Variants in ZBTB48 observed in about 807,000 individuals in gnomAD.
ZBTB48 encodes the protein zinc finger and BTB domain-containing protein 48.
ZBTB48 carries 35 observed loss-of-function variants against 64.5 expected under a neutral mutation model. The observed-to-expected ratio is 0.54, with a 90% CI of 0.41 to 0.72. ZBTB48 has a LOEUF of 0.72. ZBTB48 is among the 30% of genes least tolerant of loss of function. The pLI is 0.00. For synonymous variants in ZBTB48, 442 were observed against 356.7 expected (o/e 1.24, Z -2.70); for missense variants, 828 against 895.3 (o/e 0.92, Z 0.96).
Position 6,589,242 on chromosome 1 carries a change from C to T in ZBTB48, c.*30C>T. Reference sequence around the variant, plus strand: ...TTCTGGCCACCAGAGCCCACTTGGCCCCACCCCTCAATAAACCGTGTGGCT... The same window carrying T: ...TTCTGGCCACCAGAGCCCACTTGGCTCCACCCCTCAATAAACCGTGTGGCT... On this transcript the variant is annotated 3_prime_UTR_variant, in exon 11 of 11. Coordinates refer to ENST00000377674, the MANE Select transcript of ZBTB48 (RefSeq NM_005341.4). 1 of 1,489,050 alleles carries T rather than the reference C, an allele frequency of 6.7e-7. No individual in the cohort carries two copies. Among genetic ancestry groups the T allele is most frequent in the Non-Finnish European group, 8.9e-7 (1 of 1,125,598 alleles). The allele number at this position is 1,489,050 out of a possible 1,614,324, so 92.2% of individuals were successfully genotyped here. A position where few individuals can be genotyped will look rare whatever the true frequency, so the allele number is the denominator to read the frequency against.
At position 6,584,052 on chromosome 1, in the gene ZBTB48, G is replaced by C. The variant is rs1047199406; in HGVS notation, c.932+1753G>C. ...CTGCCTCAGCCTCCCAAAGTGCTGGGATTACAGGCGTGAGCCACCGTGCCC... is the reference window on the plus strand; with the variant it reads ...CTGCCTCAGCCTCCCAAAGTGCTGGCATTACAGGCGTGAGCCACCGTGCCC... On this transcript the variant is annotated intron_variant, in intron 3 of 10. Transcript: ENST00000377674. This position sits in a 1 kb window ranked among gnomAD's most constrained non-coding sequence, Gnocchi z 4.5. 1.3e-5 allele frequency among the ~76,000 whole-genome samples: 2 copies of C among 152,046 alleles called. No homozygotes were observed. Among genetic ancestry groups the C allele is most frequent in the Admixed American group, 1.3e-4 (2 of 15,272 alleles).
chr1:6,588,442 G>A lies in ZBTB48; in HGVS notation c.1681G>A (p.Ala561Thr). The part of the protein sequence containing the change: ...FCQICGKTFK[A>T]VEQLRVHVRR... ...CCAGATATGCGGCAAGACCTTCAAA[G>A]GTACCTGGGCGGCCCTGGGAGAGCC... is the stretch of plus-strand genomic sequence containing the variant. Residue 561 changes from alanine (A) to threonine (T), a missense_variant and splice_region_variant, in exon 9 of 11, where the codon GCC becomes ACC. Ala to Thr is a moderately conservative substitution (Grantham distance 58, BLOSUM62 0). Transcript: ENST00000377674. 6.5e-7 allele frequency: 1 copy of A among 1,527,492 alleles called. No individual in the cohort carries two copies. The highest frequency in any genetic ancestry group is 8.8e-7 in the Non-Finnish European group (1 of 1,135,916). The allele number at this position is 1,527,492 out of a possible 1,614,324, so 94.6% of individuals were successfully genotyped here. A position where few individuals can be genotyped will look rare whatever the true frequency, so the allele number is the denominator to read the frequency against.
chr1:6,587,151 C>A (rs772564258), intron 5 of ZBTB48, 54 bp from the exon 6 acceptor site: 2 of 1,595,698 alleles, frequency 1.3e-6, no homozygotes, highest in African/African-American at 2.7e-5. Context: ...GGGTGGGTGG[C>A]AGGGTTTCAT....
At chr1:6,582,034 C>G (rs770065662) in intron 2 of ZBTB48, 24 bp from the exon 3 acceptor site, 15 of 1,607,224 alleles carry the variant, frequency 9.3e-6, no homozygotes, top group Non-Finnish European at 1.1e-5. Flanking sequence ...ACGCCACCCC[C>G]TCCTGCTGCC....
chr1:6,587,728 G>T (rs1640727982), intron 7 of ZBTB48, 96 bp downstream of exon 7: 6 of 1,536,628 alleles, frequency 3.9e-6, no homozygotes, highest in Middle Eastern at 4.7e-4. Context: ...TTACACAGAT[G>T]AGTGTGCCCT....
In ZBTB48 at chr1:6,587,602, G is replaced by A; in HGVS notation, c.1349G>A (p.Gly450Asp). Reference protein sequence around the residue: ...ECGHRASSRNGLQMHIKAKHR... With the variant: ...ECGHRASSRNDLQMHIKAKHR... ...GGGCACCGGGCCTCGAGCCGGAATG[G>A]CCTGCAGATGCACATCAAGGCCAAG... The change falls in exon 7 of 11, where the codon GGC (glycine) becomes GAC (aspartate). Residue 450 changes from glycine to aspartate, a missense_variant. Gly to Asp is a moderately conservative substitution (Grantham distance 94). Transcript: ENST00000377674. 6.2e-7 allele frequency: 1 copy of A among 1,613,534 alleles called. No homozygotes were observed. Among genetic ancestry groups the A allele is most frequent in the South Asian group, 1.1e-5 (1 of 91,050 alleles).
At chr1:6,586,664 T>TG (rs760332832) in intron 4 of ZBTB48, 31 bp from the exon 5 acceptor site, 2 of 1,517,020 alleles carry the variant, frequency 1.3e-6, no homozygotes, top group Admixed American at 4.3e-5. Context: ...CCCCCGCTGA[T>TG]GCCGGCCCTG....
At chr1:6,588,586 G>A (rs141037594) in intron 9 of ZBTB48, 144 bp downstream of exon 9, 19 of 1,439,112 alleles carry the variant, frequency 1.3e-5, no homozygotes, top group Admixed American at 2.4e-5. Flanking sequence ...GAAGGCAGGG[G>A]TGTCCTGTGC....
At chr1:6,587,666 C>T (rs1304788769) in intron 7 of ZBTB48, 34 bp downstream of exon 7, 11 of 1,609,164 alleles carry the variant, frequency 6.8e-6, no homozygotes, top group Non-Finnish European at 8.5e-6. Flanking sequence ...GGGGCCCAGT[C>T]CTGCTGCCAG....
rs1416519071 is a variant in ZBTB48, at chr1:6,584,254, A to T, written c.933-1665A>T. Among the ~76,000 whole-genome samples, 1 of 152,268 alleles carries T rather than the reference A, an allele frequency of 6.6e-6. No homozygotes were observed. Among genetic ancestry groups the T allele is most frequent in the Non-Finnish European group, 1.5e-5 (1 of 68,052 alleles). ...AACTTAAAATTTAAAATTAAATAAA[A>T]ATTCAGTTCCTCAGATACGTTAGCC... On this transcript the variant is annotated intron_variant, in intron 3 of 10. Coordinates refer to ENST00000377674, the MANE Select transcript of ZBTB48 (RefSeq NM_005341.4). This position sits in a 1 kb window ranked among gnomAD's most constrained non-coding sequence, Gnocchi z 4.5.
chr1:6,586,428 C>T (rs1246041010), intron 4 of ZBTB48: 5 of 598,456 alleles, frequency 8.4e-6, no homozygotes, highest in South Asian at 2.6e-5. Context: ...GGCCTGTCAG[C>T]AGCCACTAGG....
At position 6,589,046 on chromosome 1, in the gene ZBTB48, T is replaced by G; in HGVS notation, c.1901T>G (p.Leu634Arg). Residue 634 changes from leucine to arginine, a missense_variant, in exon 11 of 11, where the codon CTG (leucine) becomes CGG (arginine). Transcript: ENST00000377674. ...GTGGCGCTGCAGCCGCCTGCAGAGC[T>G]GGAGGTGGGCTCGGCGGAGGTCATT... ...VVVALQPPAELEVGSAEVIVE... is the reference protein window; with the variant it reads ...VVVALQPPAEREVGSAEVIVE... 6.2e-7 allele frequency: 1 copy of G among 1,601,270 alleles called. No homozygotes were observed. Among genetic ancestry groups the G allele is most frequent in the Middle Eastern group, 1.7e-4 (1 of 5,968 alleles).
At position 6,587,288 on chromosome 1, in the gene ZBTB48, T is replaced by G; in HGVS notation, c.1221T>G (p.His407Gln). The G allele has an allele frequency of 6.2e-7, 1 of 1,614,014 alleles. No homozygotes were observed. The highest frequency in any genetic ancestry group is 8.5e-7 in the Non-Finnish European group (1 of 1,180,002). ...MIKLHGAPKPHACPTCAKCFL... is the reference protein window; with the variant it reads ...MIKLHGAPKPQACPTCAKCFL... ...AACTTCATGGAGCCCCCAAGCCCCA[T>G]GCAGTAAGTGACAGGGAGGGCTGGG... is the stretch of plus-strand genomic sequence containing the variant. Residue 407 changes from histidine (H) to glutamine (Q), a missense_variant, in exon 6 of 11, where the codon CAT (histidine) becomes CAG (glutamine). Coordinates refer to ENST00000377674, the MANE Select transcript of ZBTB48 (RefSeq NM_005341.4).
rs1436303568 is a variant in ZBTB48, at chr1:6,588,816, C to T, written c.1742C>T (p.Thr581Ile). Residue 581 changes from threonine (T) to isoleucine (I), a missense_variant, in exon 10 of 11, where the codon ACC becomes ATC. Coordinates refer to ENST00000377674, the MANE Select transcript of ZBTB48 (RefSeq NM_005341.4). ...AAGGGGGTGAGGAAGTTTGAGTGCA[C>T]CGAGTGTGGCTACAAGTTTACCCGA... ...RHKGVRKFECTECGYKFTRQA... is the reference protein window; with the variant it reads ...RHKGVRKFECIECGYKFTRQA... 1 of 1,614,164 alleles carries T rather than the reference C, an allele frequency of 6.2e-7. No individual in the cohort carries two copies. Among genetic ancestry groups the T allele is most frequent in the Non-Finnish European group, 8.5e-7 (1 of 1,180,040 alleles).
Position 6,580,553 on chromosome 1 carries a change from G to C in ZBTB48, c.-57G>C. Reference sequence around the variant, plus strand: ...CTCTTGACTCCAGGAGCTTTCTCTTGCATACCCTCGCTTAGGCTGGCCGGG... The same window carrying C: ...CTCTTGACTCCAGGAGCTTTCTCTTCCATACCCTCGCTTAGGCTGGCCGGG... On this transcript the variant is annotated 5_prime_UTR_variant, in exon 2 of 11. Coordinates refer to ENST00000377674, the MANE Select transcript of ZBTB48 (RefSeq NM_005341.4). The surrounding 1 kb of genome is among the most constrained non-coding windows in gnomAD (Gnocchi z 5.2). The C allele has an allele frequency of 6.5e-7, 1 of 1,547,480 alleles. No individual in the cohort carries two copies. Among genetic ancestry groups the C allele is most frequent in the Non-Finnish European group, 8.7e-7 (1 of 1,143,014 alleles).
chr1:6,580,499 T>C lies in ZBTB48; in HGVS notation c.-69-42T>C, dbSNP rs545767579. The C allele has an allele frequency of 8.7e-7, 1 of 1,146,528 alleles. No individual in the cohort carries two copies. Among genetic ancestry groups the C allele is most frequent in the South Asian group, 1.5e-5 (1 of 64,880 alleles). 71.0% of individuals were successfully genotyped at this position (1,146,528 alleles called of 1,614,324 possible). A position where few individuals can be genotyped will look rare whatever the true frequency, so the allele number is the denominator to read the frequency against. On this transcript the variant is annotated intron_variant, in intron 1 of 10. Transcript: ENST00000377674. This position sits in a 1 kb window ranked among gnomAD's most constrained non-coding sequence, Gnocchi z 5.2. Reference sequence around the variant, plus strand: ...CCCTCGTGCTGATAAATATGATTATTTGAGTAGAGGCCAACTTCCCGTTTC... The same window carrying C: ...CCCTCGTGCTGATAAATATGATTATCTGAGTAGAGGCCAACTTCCCGTTTC...
At position 6,588,857 on chromosome 1, in the gene ZBTB48, C is replaced by T. The variant is rs200530354; in HGVS notation, c.1770+13C>T. 68 of 1,614,048 alleles carry T rather than the reference C, an allele frequency of 4.2e-5. No homozygotes were observed. The highest frequency in any genetic ancestry group is 5.4e-5 in the Non-Finnish European group (64 of 1,180,026). On this transcript the variant is annotated intron_variant, in intron 10 of 10. Transcript: ENST00000377674. ...GTTTACCCGACAGGTAGGCCAGGGCCTGGGCCCCTTCCCCTACCCTAGGAT... is the reference window on the plus strand; with the variant it reads ...GTTTACCCGACAGGTAGGCCAGGGCTTGGGCCCCTTCCCCTACCCTAGGAT...
chr1:6,580,380 G>T lies in ZBTB48; in HGVS notation c.-69-161G>T, dbSNP rs1640391349. Among the ~76,000 whole-genome samples, 1 of 150,706 alleles carries T rather than the reference G, an allele frequency of 6.6e-6. No individual in the cohort carries two copies. The highest frequency in any genetic ancestry group is 2.1e-4 in the South Asian group (1 of 4,774). The stretch of plus-strand genomic sequence containing the variant: ...CTTCACGACCCTGGCCCCCCATCCA[G>T]CATCCCCCCTGGCCAATCCAATATG... On this transcript the variant is annotated intron_variant, in intron 1 of 10. Transcript: ENST00000377674. This position sits in a 1 kb window ranked among gnomAD's most constrained non-coding sequence, Gnocchi z 5.2.
chr1:6,580,054 G>A lies in ZBTB48; in HGVS notation c.-152G>A. On this transcript the variant is annotated 5_prime_UTR_variant, in exon 1 of 11. Coordinates refer to ENST00000377674, the MANE Select transcript of ZBTB48 (RefSeq NM_005341.4). The surrounding 1 kb of genome is among the most constrained non-coding windows in gnomAD (Gnocchi z 5.2). ...AGTCTCCGCACTGTCGGCGGGGTAC[G>A]CATAGCCGGGCACTAGGTTCGTGGG... The A allele has an allele frequency of 5.1e-6, 1 of 194,812 alleles. No individual in the cohort carries two copies. Among genetic ancestry groups the A allele is most frequent in the South Asian group, 8.7e-5 (1 of 11,554 alleles). The allele number at this position is 194,812 out of a possible 1,614,324, so 12.1% of individuals were successfully genotyped here. A position where few individuals can be genotyped will look rare whatever the true frequency, so the allele number is the denominator to read the frequency against.
Sources: gnomAD v4.1 joint callset for allele counts (sites outside exome capture counted in the v4.1 genomes callset) on GRCh38, gnomAD v4.1.1 for gene constraint, Gnocchi (gnomAD v3.1) non-coding constraint, MANE v1.5 for transcripts, NCBI Gene and HGNC (gene_info 2026-07-23, HGNC 2026-07-21) for gene names.